The following CDC73 variants were observed in gnomAD, a reference collection of about 807,000 sequenced individuals.
CDC73 encodes the protein parafibromin.
Under a neutral mutation model 83.7 loss-of-function variants are expected in CDC73, and 21 were observed. The ratio of observed to expected loss-of-function variants is 0.25; its 90% CI spans 0.18 to 0.36. The LOEUF (loss-of-function observed/expected upper bound fraction) is 0.36, where lower values mean the gene tolerates loss of function less well. Among genes scored for constraint, CDC73 ranks in the 10% least tolerant of loss-of-function variants. The pLI, the probability that CDC73 is intolerant of heterozygous loss-of-function variation, is 1.00. For missense variants in CDC73, 342 were observed against 653.3 expected (o/e 0.52, Z 5.19); for synonymous variants, 224 against 212.9 (o/e 1.05, Z -0.45).
chr1:193,133,332 A>T (rs147896276), intron 3 of CDC73, among the ~76,000 whole-genome samples: 250 of 152,316 alleles, frequency 1.6e-3, no homozygotes, highest in African/African-American at 5.7e-3. Flanking sequence ...ATAGCTAAAG[A>T]TGTTGGTTCT....
intron 1 of CDC73, among the ~76,000 whole-genome samples, chr1:193,122,740 A>G (rs553751390): frequency 3.0e-4 from 45 of 151,712 alleles, no homozygotes; most frequent in Non-Finnish European, 4.6e-4. Flanking sequence ...CCAGGCTGCT[A>G]TGTAACTATC....
intron 11 of CDC73, among the ~76,000 whole-genome samples, chr1:193,205,866 A>G (rs2103180219): frequency 6.6e-6 from 1 of 152,316 alleles, no homozygotes; most frequent in South Asian, 2.1e-4. Context: ...AATACTAAAC[A>G]TGAAGTATAG....
At chr1:193,180,040 C>T in intron 10 of CDC73, 1 of 288,102 alleles carries the variant, frequency 3.5e-6, no homozygotes, top group Non-Finnish European at 6.3e-6. Flanking sequence ...TTGATTTATG[C>T]ATGCTTGTTA....
intron 15 of CDC73, among the ~76,000 whole-genome samples, chr1:193,240,142 C>G (rs1481515114): frequency 6.6e-6 from 1 of 152,190 alleles, no homozygotes; most frequent in East Asian, 1.9e-4. Flanking sequence ...GTTTCTTTCA[C>G]TTAATAGAAT....
At chr1:193,147,031 C>G (rs148738471) in intron 7 of CDC73, among the ~76,000 whole-genome samples, 202 of 151,630 alleles carry the variant, frequency 1.3e-3, no homozygotes, top group African/African-American at 4.6e-3. Context: ...CTTGCTCTGT[C>G]TCCCAGGGTG....
At chr1:193,136,918 A>T (rs879661581) in intron 5 of CDC73, among the ~76,000 whole-genome samples, 10 of 152,212 alleles carry the variant, frequency 6.6e-5, no homozygotes, top group African/African-American at 2.4e-4. Context: ...AAAATTCAAC[A>T]TGGCAGAAGT....
intron 10 of CDC73, among the ~76,000 whole-genome samples, chr1:193,183,785 C>G (rs1391641178): frequency 1.3e-5 from 2 of 151,760 alleles, no homozygotes; most frequent in Non-Finnish European, 3.0e-5. Flanking sequence ...CTAAGTGTTA[C>G]AAAGATAAGT....
At chr1:193,163,033 C>T (rs1207326499) in intron 10 of CDC73, among the ~76,000 whole-genome samples, 2 of 152,120 alleles carry the variant, frequency 1.3e-5, no homozygotes, top group Non-Finnish European at 2.9e-5. Context: ...TATCTAGCTA[C>T]ACAAGGTATT....
chr1:193,135,063 T>C (rs1675766957), intron 3 of CDC73, among the ~76,000 whole-genome samples: 4 of 152,172 alleles, frequency 2.6e-5, no homozygotes, highest in Admixed American at 2.6e-4. Flanking sequence ...TGTGTGTGTA[T>C]ATATATATTT....
intron 10 of CDC73, among the ~76,000 whole-genome samples, chr1:193,173,378 T>C (rs1012117089): frequency 4.6e-5 from 7 of 152,204 alleles, no homozygotes; most frequent in Admixed American, 3.9e-4. Flanking sequence ...CTCTTCCTTT[T>C]TTTTCTAAAG....
At chr1:193,122,906 G>C (rs930610148) in intron 1 of CDC73, among the ~76,000 whole-genome samples, 2 of 152,172 alleles carry the variant, frequency 1.3e-5, no homozygotes, top group African/African-American at 4.8e-5. Context: ...TGTTAGAGAG[G>C]TCTTCAGGAG....
At chr1:193,227,899 C>T (rs576066151) in intron 13 of CDC73, among the ~76,000 whole-genome samples, 1 of 152,154 alleles carries the variant, frequency 6.6e-6, no homozygotes, top group Admixed American at 6.6e-5. Flanking sequence ...CTGGGTAGTA[C>T]TTGATAGGCT....
chr1:193,165,454 A>G (rs1300208271), intron 10 of CDC73, among the ~76,000 whole-genome samples: 1 of 152,236 alleles, frequency 6.6e-6, no homozygotes, highest in African/African-American at 2.4e-5. Flanking sequence ...GATAAGTAAT[A>G]ATTATATGTT....
At chr1:193,215,799 A>G (rs1677357863) in intron 13 of CDC73, among the ~76,000 whole-genome samples, 1 of 152,076 alleles carries the variant, frequency 6.6e-6, no homozygotes. Flanking sequence ...CATGTTGCCC[A>G]GGCTGGTCTC....
chr1:193,231,012 G>A (rs1446697421), intron 13 of CDC73, among the ~76,000 whole-genome samples: 2 of 152,146 alleles, frequency 1.3e-5, no homozygotes, highest in East Asian at 3.8e-4. Flanking sequence ...TAAAAACCAC[G>A]TTAATGTTTC....
rs1226103367 is a variant in CDC73 at position 193,252,908 on chromosome 1, G to A, written c.*2196G>A. 4.3e-6 allele frequency: 1 copy of A among 231,668 alleles called. No individual in the cohort carries two copies. The highest frequency in any genetic ancestry group is 6.1e-5 in the East Asian group (1 of 16,356). 14.4% of individuals were successfully genotyped at this position (231,668 alleles called of 1,614,324 possible). A position where few individuals can be genotyped will look rare whatever the true frequency, so the allele number is the denominator to read the frequency against. ...TCAGTGTAACAAATTTATTATAAAAGTGTAGTTCGACTCTTCTTGGTCTTG... is the reference window on the plus strand; with the variant it reads ...TCAGTGTAACAAATTTATTATAAAAATGTAGTTCGACTCTTCTTGGTCTTG... On this transcript the variant is annotated 3_prime_UTR_variant, in exon 17 of 17. Transcript: ENST00000367435.
At chr1:193,230,063 C>A (rs1463774554) in intron 13 of CDC73, among the ~76,000 whole-genome samples, 1 of 151,304 alleles carries the variant, frequency 6.6e-6, no homozygotes, top group East Asian at 1.9e-4. Context: ...GTTGTATATT[C>A]AAAAATACAC....
chr1:193,218,556 A>G (rs1677409306), intron 13 of CDC73, among the ~76,000 whole-genome samples: 1 of 152,224 alleles, frequency 6.6e-6, no homozygotes, highest in African/African-American at 2.4e-5. Context: ...GTACTGGTAC[A>G]AAAACAGGCA....
intron 10 of CDC73, among the ~76,000 whole-genome samples, chr1:193,174,491 A>G (rs1157040321): frequency 6.6e-6 from 1 of 152,130 alleles, no homozygotes; most frequent in African/African-American, 2.4e-5. Context: ...TCTGAAGCCT[A>G]TGTTATACAT....
Sources: gnomAD v4.1 joint callset for allele counts (sites outside exome capture counted in the v4.1 genomes callset) on GRCh38, gnomAD v4.1.1 for gene constraint, MANE v1.5 for transcripts, NCBI Gene and HGNC (gene_info 2026-07-23, HGNC 2026-07-21) for gene names.